LRRC36: variants seen among roughly 807,000 people sequenced by gnomAD.
LRRC36 encodes leucine-rich repeat-containing protein 36.
A neutral mutation model predicts 81.1 loss-of-function variants in LRRC36; 62 were observed. That is an observed-to-expected ratio of 0.76 (90% CI 0.62 to 0.94). The LOEUF is 0.94. Among genes scored for constraint, LRRC36 ranks in the 40% least tolerant of loss-of-function variants. The probability of loss-of-function intolerance (pLI) is 0.00; values close to 1 mark genes in which losing one functional copy is unlikely to be tolerated. For missense variants in LRRC36, 761 were observed against 881.7 expected (o/e 0.86, Z 1.73); for synonymous variants, 334 against 348.6 (o/e 0.96, Z 0.47).
At chr16:67,327,689 G>A (rs527699965) in intron 1 of LRRC36, among the ~76,000 whole-genome samples, 2 of 152,244 alleles carry the variant, frequency 1.3e-5, no homozygotes, top group South Asian at 4.1e-4. Flanking sequence ...GCTAAGGAGA[G>A]AATGTCGATG....
intron 9 of LRRC36, among the ~76,000 whole-genome samples, chr16:67,374,042 T>C (rs1158545805): frequency 1.4e-5 from 2 of 145,206 alleles, no homozygotes; most frequent in Non-Finnish European, 3.0e-5. Flanking sequence ...AAATAAAATA[T>C]AGAATTAGCC....
At chr16:67,355,347 A>G (rs1306022002) in intron 5 of LRRC36, among the ~76,000 whole-genome samples, 1 of 149,726 alleles carries the variant, frequency 6.7e-6, no homozygotes, top group Non-Finnish European at 1.5e-5. Context: ...GTTCCAATAT[A>G]ATCTTTTTAA....
intron 5 of LRRC36, among the ~76,000 whole-genome samples, chr16:67,356,950 T>G (rs1325295376): frequency 6.6e-6 from 1 of 152,216 alleles, no homozygotes; most frequent in Non-Finnish European, 1.5e-5. Context: ...TATGTTCATT[T>G]TATTCTCTTG....
intron 2 of LRRC36, 57 bp from the exon 3 acceptor site, chr16:67,346,199 A>G (rs1164243617): frequency 3.7e-6 from 4 of 1,078,854 alleles, no homozygotes; most frequent in Middle Eastern, 2.1e-4. Context: ...ATCTTTATCT[A>G]TGAGGTTCCT....
chr16:67,357,947 T>C (rs1013229075), intron 5 of LRRC36, among the ~76,000 whole-genome samples: 1 of 152,238 alleles, frequency 6.6e-6, no homozygotes, highest in Non-Finnish European at 1.5e-5. Flanking sequence ...CAAATTGTCC[T>C]GTCGCATTGA....
At chr16:67,373,821 G>A (rs2039768601) in intron 9 of LRRC36, among the ~76,000 whole-genome samples, 1 of 151,474 alleles carries the variant, frequency 6.6e-6, no homozygotes, top group East Asian at 1.9e-4. Context: ...TGACCAGCCT[G>A]GCCAACTTGG....
intron 6 of LRRC36, among the ~76,000 whole-genome samples, chr16:67,364,677 A>C (rs922105670): frequency 6.6e-6 from 1 of 152,156 alleles, no homozygotes; most frequent in Non-Finnish European, 1.5e-5. Flanking sequence ...CCAGTTAAAT[A>C]GCACTTCTTA....
chr16:67,376,809 G>T lies in LRRC36; in HGVS notation c.1743G>T (p.Met581Ile), dbSNP rs760237457. 11 of 1,613,956 alleles carry T rather than the reference G, an allele frequency of 6.8e-6. No individual in the cohort carries two copies. In the African/African-American group the frequency reaches 1.5e-4, roughly 22 times the overall value. ...PRCCSHPEDT[M>I]KAFCRRELEL... ...GTTGCTCACATCCTGAAGACACGAT[G>T]AAAGCATTCTGCAGGAGGGAGCTTG... Residue 581 changes from methionine to isoleucine, a missense_variant, in exon 11 of 14, where the codon ATG (methionine) becomes ATT (isoleucine). Around this residue, in one of 3 missense-constraint regions of LRRC36, gnomAD observed 359 missense variants for 388.4 expected, o/e 0.92. Coordinates refer to ENST00000329956, the MANE Select transcript of LRRC36 (RefSeq NM_018296.6).
At chr16:67,354,129 C>T (rs541417753) in intron 5 of LRRC36, among the ~76,000 whole-genome samples, 96 of 152,216 alleles carry the variant, frequency 6.3e-4, no homozygotes, top group Non-Finnish European at 1.1e-3. Context: ...ATGTCCAATA[C>T]TCAATCAAAC....
intron 1 of LRRC36, chr16:67,336,510 C>T (rs2037768161): frequency 6.6e-6 from 1 of 152,194 alleles, no homozygotes; most frequent in Non-Finnish European, 1.5e-5. Flanking sequence ...AGATTTGGGC[C>T]ATTCTAACAA....
At chr16:67,337,566 G>A (rs895289304) in intron 1 of LRRC36, among the ~76,000 whole-genome samples, 7 of 150,404 alleles carry the variant, frequency 4.7e-5, no homozygotes, top group Admixed American at 4.0e-4. Context: ...TGCCATGTTG[G>A]TCAGTCTGGT....
At chr16:67,342,192 A>G (rs2038121652) in intron 2 of LRRC36, 108 bp downstream of exon 2, 1 of 627,702 alleles carries the variant, frequency 1.6e-6, no homozygotes, top group African/African-American at 1.9e-5. Flanking sequence ...CCTTCCCTTT[A>G]AATGATTCCC....
intron 5 of LRRC36, among the ~76,000 whole-genome samples, chr16:67,352,471 C>T (rs2038689711): frequency 1.3e-5 from 2 of 152,126 alleles, no homozygotes; most frequent in Admixed American, 6.6e-5. Context: ...CTTGGATCCT[C>T]CTCTTATTCT....
intron 1 of LRRC36, among the ~76,000 whole-genome samples, chr16:67,341,076 CTCTACATAT>C (rs1389716794): frequency 3.3e-4 from 36 of 107,516 alleles, no homozygotes; most frequent in African/African-American, 1.4e-3. Flanking sequence ...AGAATATGTA[CTCTACATAT>C]TCTATAGAAT....
intron 4 of LRRC36, 60 bp from the exon 5 acceptor site, chr16:67,350,142 G>A (rs1278308519): frequency 5.0e-5 from 58 of 1,156,138 alleles, no homozygotes; most frequent in Non-Finnish European, 6.9e-5. Context: ...AGCATTTACT[G>A]GTGATCTCAG....
intron 3 of LRRC36, 195 bp from the exon 4 acceptor site, chr16:67,347,298 CTA>C: frequency 1.0e-6 from 1 of 985,604 alleles, no homozygotes; most frequent in Non-Finnish European, 1.4e-6. Flanking sequence ...GCAGTGGTCG[CTA>C]TGGCTTCCTG....
intron 5 of LRRC36, among the ~76,000 whole-genome samples, chr16:67,353,032 A>T (rs1347235947): frequency 1.3e-5 from 2 of 151,972 alleles, no homozygotes; most frequent in Non-Finnish European, 2.9e-5. Context: ...TCATATCTTA[A>T]ATATATTGGT....
intron 12 of LRRC36, among the ~76,000 whole-genome samples, chr16:67,381,092 C>G (rs940892550): frequency 6.6e-6 from 1 of 151,960 alleles, no homozygotes; most frequent in East Asian, 1.9e-4. Context: ...GGCGTGGTGG[C>G]ATGTGCCTAT....
At position 67,376,829 on chromosome 16, in the gene LRRC36, A is replaced by T; in HGVS notation, c.1763A>T (p.Glu588Val). The T allele has an allele frequency of 1.2e-6, 2 of 1,613,860 alleles. No homozygotes were observed. The highest frequency in any genetic ancestry group is 1.1e-5 in the South Asian group (1 of 91,064). Residue 588 changes from glutamate to valine, a missense_variant, in exon 11 of 14, where the codon GAG (glutamate) becomes GTG (valine). Physicochemically the swap from Glu to Val is moderately radical, Grantham distance 121 (BLOSUM62 -2). Around this residue, in one of 3 missense-constraint regions of LRRC36, gnomAD observed 359 missense variants for 388.4 expected, o/e 0.92. Coordinates refer to ENST00000329956, the MANE Select transcript of LRRC36 (RefSeq NM_018296.6). ...EDTMKAFCRR[E>V]LELKEAAQLV... Reference sequence around the variant, plus strand: ...ACGATGAAAGCATTCTGCAGGAGGGAGCTTGAACTGAAGGAGGCTGCGCAG... The same window carrying T: ...ACGATGAAAGCATTCTGCAGGAGGGTGCTTGAACTGAAGGAGGCTGCGCAG...
Sources: gnomAD v4.1 joint callset for allele counts (sites outside exome capture counted in the v4.1 genomes callset) on GRCh38, gnomAD v4.1.1 for gene constraint, gnomAD v4.1.1 regional missense constraint, MANE v1.5 for transcripts, NCBI Gene and HGNC (gene_info 2026-07-23, HGNC 2026-07-21) for gene names.